The following CLSTN1 variants were observed in gnomAD, a reference collection of about 807,000 sequenced individuals.
CLSTN1 encodes the protein calsyntenin-1.
A neutral mutation model predicts 108.3 loss-of-function variants in CLSTN1; 28 were observed. The observed-to-expected ratio is 0.26, with a 90% confidence interval of 0.19 to 0.35. The LOEUF (loss-of-function observed/expected upper bound fraction) is 0.35. CLSTN1 is among the 10% of genes least tolerant of loss of function. The pLI is 1.00. For synonymous variants in CLSTN1, 524 were observed against 534.9 expected (o/e 0.98, Z 0.28); for missense variants, 1,157 against 1,302.6 (o/e 0.89, Z 1.72).
chr1:9,735,705 TG>T, intron 12 of CLSTN1, 90 bp from the exon 13 acceptor site: 1 of 1,555,120 alleles, frequency 6.4e-7, no homozygotes, highest in Non-Finnish European at 8.7e-7. Context: ...GGGACTGGCC[TG>T]GGTTCGATTT....
At chr1:9,802,643 A>C (rs530879656) in intron 1 of CLSTN1, among the ~76,000 whole-genome samples, 70 of 152,230 alleles carry the variant, frequency 4.6e-4, no homozygotes, top group Non-Finnish European at 8.4e-4. Context: ...GACACCCCAG[A>C]CCAGATCCCA....
intron 4 of CLSTN1, among the ~76,000 whole-genome samples, chr1:9,753,114 T>C (rs1050001319): frequency 6.6e-6 from 1 of 152,096 alleles, no homozygotes; most frequent in Admixed American, 6.6e-5. Context: ...AGGATGGTTT[T>C]GGGATGAAAA....
At chr1:9,755,374 TC>T in intron 3 of CLSTN1, 65 bp from the exon 4 acceptor site, 7 of 1,288,382 alleles carry the variant, frequency 5.4e-6, no homozygotes, top group East Asian at 2.4e-5. Context: ...CTTGCCCTCC[TC>T]CCCCCATCTC....
chr1:9,754,081 A>AT (rs1042875065), intron 4 of CLSTN1, among the ~76,000 whole-genome samples: 3 of 152,180 alleles, frequency 2.0e-5, no homozygotes, highest in Admixed American at 2.0e-4. Flanking sequence ...TGCTGGGATT[A>AT]TAGGTGTGAG....
chr1:9,795,143 CAT>C (rs1422943460), intron 1 of CLSTN1, among the ~76,000 whole-genome samples: 1 of 150,542 alleles, frequency 6.6e-6, no homozygotes, highest in Non-Finnish European at 1.5e-5. Context: ...AGAATTCTTA[CAT>C]CATTTATAAA....
rs928614425 is a variant in CLSTN1, at chr1:9,733,685, C to A, written c.2282-139G>T. On this transcript the variant is annotated intron_variant, in intron 15 of 18. Coordinates refer to ENST00000377298, the MANE Select transcript of CLSTN1 (RefSeq NM_001009566.3). ...GGGGTCACACAAGTTGGCTTTCTAG[C>A]CATGGGAATAAATGCAATGTGCACA... The A allele has an allele frequency of 6.8e-6, 7 of 1,027,714 alleles. No homozygotes were observed. In the Admixed American group the frequency reaches 1.6e-4, roughly 23 times the overall value. 63.7% of individuals were successfully genotyped at this position (1,027,714 alleles called of 1,614,324 possible).
chr1:9,730,612 C>T lies in CLSTN1; in HGVS notation c.2842G>A (p.Ala948Thr), dbSNP rs370461158. The change falls in exon 19 of 19, where the codon GCC becomes ACC. Residue 948 changes from alanine to threonine, a missense_variant. Ala to Thr is a moderately conservative substitution (Grantham distance 58). Coordinates refer to ENST00000377298, the MANE Select transcript of CLSTN1 (RefSeq NM_001009566.3). This position sits in a 1 kb window ranked among gnomAD's most constrained non-coding sequence, Gnocchi z 5.6. ...TCCTCCTCGCTGCTCTCCGACTCGG[C>T]GCTGGTGATGTCATCCTCTTCTTCG... ...DGEEEDDITSAESESSEEEEG... is the reference protein window; with the variant it reads ...DGEEEDDITSTESESSEEEEG... 4 of 1,610,244 alleles carry T rather than the reference C, an allele frequency of 2.5e-6. No individual in the cohort carries two copies. Among genetic ancestry groups the T allele is most frequent in the African/African-American group, 2.7e-5 (2 of 74,892 alleles).
chr1:9,734,920 G>A lies in CLSTN1; in HGVS notation c.2110+28C>T. 1 of 1,595,026 alleles carries A rather than the reference G, an allele frequency of 6.3e-7. No homozygotes were observed. ...CAATGGGGTTTCCGGCCGAGGCGAG[G>A]GAGCCCGCGCCCCACAGAGCACATT... On this transcript the variant is annotated intron_variant, in intron 14 of 18. Transcript: ENST00000377298. The surrounding 1 kb of genome is among the most constrained non-coding windows in gnomAD (Gnocchi z 4.8).
chr1:9,743,396 T>C (rs561377713), intron 9 of CLSTN1, among the ~76,000 whole-genome samples: 2 of 152,228 alleles, frequency 1.3e-5, no homozygotes, highest in African/African-American at 4.8e-5. Flanking sequence ...TGGTGAAACC[T>C]CATCTCTACT....
intron 1 of CLSTN1, among the ~76,000 whole-genome samples, chr1:9,819,251 C>T (rs1435454695): frequency 6.6e-6 from 1 of 151,880 alleles, no homozygotes; most frequent in East Asian, 1.9e-4. Context: ...GAAAACTACC[C>T]AAAAAAATTA....
intron 4 of CLSTN1, among the ~76,000 whole-genome samples, chr1:9,753,849 G>C (rs1651680730): frequency 6.6e-6 from 1 of 151,354 alleles, no homozygotes; most frequent in African/African-American, 2.4e-5. Flanking sequence ...GTCTCATTCT[G>C]ACACTCAGAC....
At chr1:9,735,708 G>A in intron 12 of CLSTN1, 93 bp from the exon 13 acceptor site, 1 of 1,550,516 alleles carries the variant, frequency 6.4e-7, no homozygotes. Flanking sequence ...ACTGGCCTGG[G>A]TTCGATTTGA....
Position 9,730,955 on chromosome 1 carries a change from C to A in CLSTN1, c.2749-250G>T, listed in dbSNP as rs1448360360. ...GCACCTCAGCTGCCCCACCAGAGAA[C>A]TCTCTCAGGATTACCATGACCCAAG... On this transcript the variant is annotated intron_variant, in intron 18 of 18. Coordinates refer to ENST00000377298, the MANE Select transcript of CLSTN1 (RefSeq NM_001009566.3). The surrounding 1 kb of genome is among the most constrained non-coding windows in gnomAD (Gnocchi z 5.6). 2.6e-5 allele frequency among the ~76,000 whole-genome samples: 4 copies of A among 152,208 alleles called. No homozygotes were observed. Among genetic ancestry groups the A allele is most frequent in the African/African-American group, 9.6e-5 (4 of 41,454 alleles).
At position 9,730,347 on chromosome 1, in the gene CLSTN1, G is replaced by GC. The variant is rs1650288480; in HGVS notation, c.*160dup. The GC allele has an allele frequency of 2.8e-6, 2 of 710,724 alleles. No individual in the cohort carries two copies. The highest frequency in any genetic ancestry group is 3.2e-5 in the South Asian group (2 of 63,320). The allele number at this position is 710,724 out of a possible 1,614,324, so 44.0% of individuals were successfully genotyped here. A position where few individuals can be genotyped will look rare whatever the true frequency, so the allele number is the denominator to read the frequency against. ...CGACCAGGCAGAGGGTGGGCGGGGA[G>GC]CCTAGGGTCCTACACACCAAGCACA... On this transcript the variant is annotated 3_prime_UTR_variant, in exon 19 of 19. Transcript: ENST00000377298. The surrounding 1 kb of genome is among the most constrained non-coding windows in gnomAD (Gnocchi z 5.6).
intron 1 of CLSTN1, among the ~76,000 whole-genome samples, chr1:9,804,838 A>T (rs538339136): frequency 1.3e-5 from 2 of 152,192 alleles, no homozygotes; most frequent in African/African-American, 4.8e-5. Flanking sequence ...TCTTAAAAAA[A>T]GAAAGGCCGG....
intron 1 of CLSTN1, among the ~76,000 whole-genome samples, chr1:9,797,334 G>A (rs916633927): frequency 5.3e-5 from 8 of 152,048 alleles, no homozygotes; most frequent in Non-Finnish European, 1.2e-4. Flanking sequence ...GAGGGAGAGG[G>A]TAGAAAGAAA....
chr1:9,821,088 A>G (rs1183061077), intron 1 of CLSTN1, among the ~76,000 whole-genome samples: 1 of 152,244 alleles, frequency 6.6e-6, no homozygotes, highest in Non-Finnish European at 1.5e-5. Flanking sequence ...GCTGAAGGAC[A>G]TGACCGTCCA....
chr1:9,730,460 G>C lies in CLSTN1; in HGVS notation c.*48C>G, dbSNP rs756922857. On this transcript the variant is annotated 3_prime_UTR_variant, in exon 19 of 19. Coordinates refer to ENST00000377298, the MANE Select transcript of CLSTN1 (RefSeq NM_001009566.3). The surrounding 1 kb of genome is among the most constrained non-coding windows in gnomAD (Gnocchi z 5.6). ...GACCCTTGGGACTGGGAGAACGGAT[G>C]GCAGCAGAGTCTTCGAAAGCAGAAA... The C allele has an allele frequency of 6.5e-7, 1 of 1,543,268 alleles. No homozygotes were observed. The highest frequency in any genetic ancestry group is 1.7e-5 in the Admixed American group (1 of 59,918).
chr1:9,731,716 G>A lies in CLSTN1; in HGVS notation c.2563+45C>T, dbSNP rs759438402. 8.7e-6 allele frequency: 14 copies of A among 1,608,736 alleles called. No homozygotes were observed. The African/African-American group carries it at 1.7e-4, about 20-fold the overall frequency. On this transcript the variant is annotated intron_variant, in intron 17 of 18. Coordinates refer to ENST00000377298, the MANE Select transcript of CLSTN1 (RefSeq NM_001009566.3). ...CCCACGGTGGGGTGGGGGCAGGGCGGACGGCATGGAGCATCTCCGCTTGGT... is the reference window on the plus strand; with the variant it reads ...CCCACGGTGGGGTGGGGGCAGGGCGAACGGCATGGAGCATCTCCGCTTGGT...
Sources: gnomAD v4.1 joint callset for allele counts (sites outside exome capture counted in the v4.1 genomes callset) on GRCh38, gnomAD v4.1.1 for gene constraint, Gnocchi (gnomAD v3.1) non-coding constraint, MANE v1.5 for transcripts, NCBI Gene and HGNC (gene_info 2026-07-23, HGNC 2026-07-21) for gene names.